Variants in GABRA3 observed in about 807,000 individuals in gnomAD.
GABRA3 encodes the protein gamma-aminobutyric acid receptor subunit alpha-3.
In GABRA3, 10 loss-of-function variants were observed where a neutral mutation model predicts 30.1. That is an observed-to-expected ratio of 0.33 (90% CI 0.20 to 0.56). GABRA3 has a LOEUF of 0.56. GABRA3 is among the 20% of genes least tolerant of loss of function. The pLI is 0.89. For missense variants in GABRA3, 233 were observed against 392.0 expected, an observed-to-expected ratio of 0.59 and a Z score of 3.42; for synonymous variants, 151 against 146.8, an observed-to-expected ratio of 1.03 and a Z score of -0.21.
At chrX:152,327,489 A>G (rs1385205519) in intron 3 of GABRA3, among the ~76,000 whole-genome samples, 1 of 112,162 alleles carries the variant, frequency 8.9e-6, no homozygotes, top group Admixed American at 9.5e-5. Flanking sequence ...AACAGAAATT[A>G]CAACAAACTA....
At chrX:152,250,853 T>C (rs1938541711) in intron 5 of GABRA3, among the ~76,000 whole-genome samples, 1 of 110,883 alleles carries the variant, frequency 9.0e-6, no homozygotes, top group South Asian at 3.8e-4. Context: ...TTCCTGAGGG[T>C]CAAAATAATA....
rs143642083 is a variant in GABRA3, at chrX:152,225,611, C to T, written c.552-766G>A. On this transcript the variant is annotated intron_variant, in intron 5 of 9. Transcript: ENST00000370314. The stretch of plus-strand genomic sequence containing the variant: ...CAGTGGAAATCTGAATGGTGTATGA[C>T]ATGTTTACATACTCATTCCCCTGCA... Among the ~76,000 whole-genome samples, 614 of 110,470 alleles carry T rather than the reference C, an allele frequency of 5.6e-3. 3 individuals are homozygous for T. The highest frequency in any genetic ancestry group is 8.9e-3 in the Non-Finnish European group (471 of 52,798).
At chrX:152,379,305 T>A (rs1929078207) in intron 1 of GABRA3, among the ~76,000 whole-genome samples, 1 of 111,613 alleles carries the variant, frequency 9.0e-6, no homozygotes, top group African/African-American at 3.3e-5. Context: ...AGTAATTAGG[T>A]GATAATGATA....
chrX:152,192,649 T>G (rs991586331), intron 8 of GABRA3, among the ~76,000 whole-genome samples: 1 of 111,542 alleles, frequency 9.0e-6, no homozygotes, highest in African/African-American at 3.3e-5. Flanking sequence ...GACCACAGCA[T>G]TCAAAATGAG....
intron 9 of GABRA3, among the ~76,000 whole-genome samples, chrX:152,184,453 G>A (rs1438943432): frequency 1.8e-5 from 2 of 111,130 alleles, no homozygotes; most frequent in East Asian, 5.7e-4. Flanking sequence ...CAAAATGTCA[G>A]TATGCAAAAA....
At position 152,168,445 on chromosome X, in the gene GABRA3, G is replaced by T; in HGVS notation, c.1262C>A (p.Ala421Asp). Residue 421 changes from alanine (A) to aspartate (D), a missense_variant, in exon 10 of 10, where the codon GCT (alanine) becomes GAT (aspartate). Coordinates refer to ENST00000370314, the MANE Select transcript of GABRA3 (RefSeq NM_000808.4). The stretch of plus-strand genomic sequence containing the variant: ...TGTTGGGGTTGAGGAGGCACTGGGA[G>T]CAGCGCCCTTGGAGATGGTGGAAAA... ...TEFSTISKGA[A>D]PSASSTPTII... 3.3e-6 allele frequency: 4 copies of T among 1,211,626 alleles called. No individual in the cohort carries two copies. Among genetic ancestry groups the T allele is most frequent in the Non-Finnish European group, 4.5e-6 (4 of 895,142 alleles).
chrX:152,193,915 T>G (rs1391814534), intron 8 of GABRA3, among the ~76,000 whole-genome samples: 1 of 111,280 alleles, frequency 9.0e-6, no homozygotes, highest in African/African-American at 3.3e-5. Context: ...GAGAATTGCT[T>G]GAATCCAGGA....
At chrX:152,391,734 A>G (rs987463909) in intron 1 of GABRA3, among the ~76,000 whole-genome samples, 1 of 111,671 alleles carries the variant, frequency 9.0e-6, no homozygotes, top group Admixed American at 9.6e-5. Context: ...AGTAAAGGGT[A>G]TATGTGCAAA....
chrX:152,179,719 C>A (rs1401033703), intron 9 of GABRA3, among the ~76,000 whole-genome samples: 2 of 110,633 alleles, frequency 1.8e-5, no homozygotes, highest in Non-Finnish European at 3.8e-5. Context: ...TGGTCTCGAT[C>A]TCCTGACCTC....
chrX:152,420,184 A>G (rs1930339170), intron 1 of GABRA3, among the ~76,000 whole-genome samples: 1 of 111,765 alleles, frequency 8.9e-6, no homozygotes, highest in Admixed American at 9.6e-5. Flanking sequence ...TGGTGAAATA[A>G]TGAGAAATTT....
intron 1 of GABRA3, among the ~76,000 whole-genome samples, chrX:152,368,335 C>A (rs938363429): frequency 3.6e-5 from 4 of 111,696 alleles, no homozygotes; most frequent in African/African-American, 1.3e-4. Context: ...CTACTCTCTG[C>A]TTCTGTGAAA....
At chrX:152,216,434 AC>A (rs1937725670) in intron 6 of GABRA3, among the ~76,000 whole-genome samples, 1 of 95,385 alleles carries the variant, frequency 1.0e-5, no homozygotes, top group Admixed American at 1.2e-4. Context: ...ACACACACAC[AC>A]ACACACAATG....
chrX:152,372,490 T>C (rs1202132930), intron 1 of GABRA3, among the ~76,000 whole-genome samples: 1 of 112,070 alleles, frequency 8.9e-6, no homozygotes, highest in African/African-American at 3.2e-5. Context: ...CAAAATTACA[T>C]TATGTACTTA....
chrX:152,399,132 T>A (rs1374294193), intron 1 of GABRA3, among the ~76,000 whole-genome samples: 2 of 111,250 alleles, frequency 1.8e-5, no homozygotes, highest in Non-Finnish European at 3.8e-5. Flanking sequence ...TCCTAATTCT[T>A]GGAAGTATCT....
intron 4 of GABRA3, among the ~76,000 whole-genome samples, chrX:152,267,025 C>A (rs977047213): frequency 8.9e-6 from 1 of 112,135 alleles, no homozygotes; most frequent in Non-Finnish European, 1.9e-5. Context: ...TAAGTATTGA[C>A]ACAGTTATCC....
At chrX:152,242,806 G>A (rs148319835) in intron 5 of GABRA3, among the ~76,000 whole-genome samples, 2 of 111,910 alleles carry the variant, frequency 1.8e-5, no homozygotes, top group African/African-American at 3.2e-5. Flanking sequence ...CAGTATGGAG[G>A]TTCCTCAAAA....
chrX:152,215,159 G>A (rs749024256), intron 6 of GABRA3, among the ~76,000 whole-genome samples: 6 of 108,042 alleles, frequency 5.6e-5, no homozygotes, highest in Non-Finnish European at 1.2e-4. Context: ...CTCTGGCTAG[G>A]ACTTCTAGTA....
chrX:152,241,026 C>T (rs776027779), intron 5 of GABRA3, among the ~76,000 whole-genome samples: 22 of 109,062 alleles, frequency 2.0e-4, no homozygotes, highest in East Asian at 8.7e-4. Flanking sequence ...AGCTTTGTTC[C>T]GTTGCTGGTG....
At chrX:152,237,391 T>G (rs1291196446) in intron 5 of GABRA3, among the ~76,000 whole-genome samples, 24 of 105,941 alleles carry the variant, frequency 2.3e-4, no homozygotes, top group African/African-American at 8.5e-4. Flanking sequence ...CTGTTTTGGT[T>G]ACTGTAGCCT....
Sources: gnomAD v4.1 joint callset for allele counts (sites outside exome capture counted in the v4.1 genomes callset) on GRCh38, gnomAD v4.1.1 for gene constraint, MANE v1.5 for transcripts, NCBI Gene and HGNC (gene_info 2026-07-23, HGNC 2026-07-21) for gene names.